The following CLVS1 variants were observed in gnomAD, a reference collection of about 807,000 sequenced individuals.
CLVS1 encodes the protein clavesin-1.
A neutral mutation model predicts 33.1 loss-of-function variants in CLVS1; 10 were observed. The observed-to-expected ratio is 0.30, with a 90% CI of 0.19 to 0.51. The LOEUF is 0.51. Ranked by LOEUF, CLVS1 falls within the 20% of genes least tolerant of loss-of-function variation. The probability of loss-of-function intolerance (pLI) is 0.97; values close to 1 mark genes in which losing one functional copy is unlikely to be tolerated. For synonymous variants in CLVS1, 163 were observed against 166.1 expected (o/e 0.98, Z 0.14); for missense variants, 343 against 433.4 (o/e 0.79, Z 1.85).
chr8:61,484,677 T>C (rs1167940935), intron 5 of CLVS1, among the ~76,000 whole-genome samples: 1 of 152,216 alleles, frequency 6.6e-6, no homozygotes, highest in Non-Finnish European at 1.5e-5. Flanking sequence ...GGCATCACGC[T>C]ACCTGACTTC....
Position 61,500,879 on chromosome 8 carries a change from G to C in CLVS1, c.*1337G>C, listed in dbSNP as rs946776945. 3.3e-5 allele frequency: 5 copies of C among 152,194 alleles called. No homozygotes were observed. The highest frequency in any genetic ancestry group is 6.9e-3 in the Middle Eastern group (2 of 290). The allele number at this position is 152,194 out of a possible 1,614,324, so 9.4% of individuals were successfully genotyped here. On this transcript the variant is annotated 3_prime_UTR_variant, in exon 6 of 6. Transcript: ENST00000325897. ...TGTTAGCTAAATAATTCAAGGGAAAGAGATTATTCAACTGGTCATAATCAC... is the reference window on the plus strand; with the variant it reads ...TGTTAGCTAAATAATTCAAGGGAAACAGATTATTCAACTGGTCATAATCAC...
intron 2 of CLVS1, among the ~76,000 whole-genome samples, chr8:61,338,396 C>A (rs999334160): frequency 2.0e-5 from 3 of 152,142 alleles, no homozygotes; most frequent in Admixed American, 6.5e-5. Flanking sequence ...TACCTGAAAA[C>A]CTCCTTAAAA....
rs57652285 is a variant in CLVS1, at chr8:61,486,098, AAAATAAATAAATAAAT to A, written c.978-13341_978-13326del. On this transcript the variant is annotated intron_variant, in intron 5 of 5. Coordinates refer to ENST00000325897, the MANE Select transcript of CLVS1 (RefSeq NM_173519.3). ...GTACCCTACAACTTAAAGTATAATTAAAATAAATAAATAAATAAATAAATAAATAAAATAAATGGGA... is the reference window on the plus strand; with the variant it reads ...GTACCCTACAACTTAAAGTATAATTAAAATAAATAAATAAAATAAATGGGA... Among the ~76,000 whole-genome samples the A allele has an allele frequency of 4.0e-5, 6 of 150,296 alleles. No individual in the cohort carries two copies. In the South Asian group the frequency reaches 1.0e-3, roughly 26 times the overall value.
chr8:61,256,535 CAAAACAAAAG>C (rs1392356504), intron 2 of CLVS1, among the ~76,000 whole-genome samples: 5 of 151,778 alleles, frequency 3.3e-5, no homozygotes, highest in African/African-American at 1.2e-4. Context: ...CAAAACAAAA[CAAAACAAAAG>C]AAAACAAAAT....
rs140778823 is a variant in CLVS1 at position 61,232,028 on chromosome 8, T to TGTTTGTTTG, written c.-151-67649_-151-67648insGTTTGTTTG. ...GAGCCCTGAGGAAAGTTGTGGTTTT[T>TGTTTGTTTG]TTTTTTTTTTTTTTTTTTTTTTGTG... On this transcript the variant is annotated intron_variant, in intron 2 of 2. Transcript: ENST00000522621. Among the ~76,000 whole-genome samples the TGTTTGTTTG allele has an allele frequency of 8.1e-4, 93 of 114,804 alleles. 2 individuals carry two copies. The highest frequency in any genetic ancestry group is 2.1e-3 in the African/African-American group (54 of 25,300). 75.3% of individuals were successfully genotyped at this position (114,804 alleles called of 152,430 possible).
chr8:61,016,486 A>G, the CLVS1 span, among the ~76,000 whole-genome samples: 16 of 152,370 alleles, frequency 1.1e-4, no homozygotes, highest in Admixed American at 8.5e-4. Flanking sequence ...GTAAATGACA[A>G]TGTCACTGAT....
chr8:61,387,935 A>T (rs1814151996), intron 3 of CLVS1, among the ~76,000 whole-genome samples: 1 of 152,222 alleles, frequency 6.6e-6, no homozygotes. Flanking sequence ...TGCTATAAAC[A>T]TGAATGTGTA....
intron 1 of CLVS1, among the ~76,000 whole-genome samples, chr8:61,102,396 G>C (rs1341812976): frequency 6.6e-6 from 1 of 151,854 alleles, no homozygotes; most frequent in Non-Finnish European, 1.5e-5. Context: ...ATTTAATTTT[G>C]GTTGGTTCAT....
At chr8:61,453,486 C>T (rs528295413) in intron 3 of CLVS1, among the ~76,000 whole-genome samples, 6 of 152,308 alleles carry the variant, frequency 3.9e-5, no homozygotes, top group East Asian at 1.9e-4. Context: ...CCTCAACTAG[C>T]GGAATCAGCT....
intron 1 of CLVS1, among the ~76,000 whole-genome samples, chr8:61,100,817 A>C (rs1041093408): frequency 6.6e-6 from 1 of 152,200 alleles, no homozygotes; most frequent in Non-Finnish European, 1.5e-5. Flanking sequence ...TGGACATTTA[A>C]TATGGATAGA....
At chr8:61,336,018 G>A (rs1811785258) in intron 2 of CLVS1, among the ~76,000 whole-genome samples, 1 of 152,230 alleles carries the variant, frequency 6.6e-6, no homozygotes, top group African/African-American at 2.4e-5. Flanking sequence ...CTGCCTGAGG[G>A]TAAAGGCACA....
intron 1 of CLVS1, among the ~76,000 whole-genome samples, chr8:61,066,590 C>A (rs992873527): frequency 6.6e-6 from 1 of 152,218 alleles, no homozygotes; most frequent in Non-Finnish European, 1.5e-5. Flanking sequence ...CTCTACCCCA[C>A]CTCCTCCCAA....
At chr8:61,090,837 T>G in intron 1 of CLVS1, 1 of 517,472 alleles carries the variant, frequency 1.9e-6, no homozygotes. Context: ...ATTTAGATGA[T>G]AAGATTTGGG....
At chr8:61,247,549 A>G (rs1032948833) in intron 2 of CLVS1, among the ~76,000 whole-genome samples, 3 of 152,170 alleles carry the variant, frequency 2.0e-5, no homozygotes, top group African/African-American at 7.2e-5. Flanking sequence ...TCTAATGATC[A>G]GTGCTATTGA....
At position 61,492,073 on chromosome 8, in the gene CLVS1, T is replaced by C. The variant is rs41384350; in HGVS notation, c.978-7382T>C. ...CACTGATGTTGTCACCAAAACTCTT[T>C]AACATGACTATAGATTTCTAAGTAA... On this transcript the variant is annotated intron_variant, in intron 5 of 5. Transcript: ENST00000325897. Among the ~76,000 whole-genome samples the C allele has an allele frequency of 7.4e-3, 1,121 of 152,290 alleles. 21 individuals are homozygous for C. The highest frequency in any genetic ancestry group is 0.026 in the African/African-American group (1,070 of 41,556).
the CLVS1 span, among the ~76,000 whole-genome samples, chr8:61,016,638 G>C: frequency 2.6e-5 from 4 of 152,218 alleles, no homozygotes; most frequent in Non-Finnish European, 2.9e-5. Context: ...GGACTCCCAG[G>C]GGGTGGGGGA....
chr8:61,018,609 G>T, the CLVS1 span, among the ~76,000 whole-genome samples: 1 of 152,168 alleles, frequency 6.6e-6, no homozygotes, highest in African/African-American at 2.4e-5. Flanking sequence ...AAACATTTCA[G>T]GTCACATTTC....
Position 61,232,022 on chromosome 8 carries a change from G to GTTTTTTT in CLVS1, c.-151-67655_-151-67654insTTTTTTT, listed in dbSNP as rs376185436. ...GAGAAGGAGCCCTGAGGAAAGTTGT[G>GTTTTTTT]GTTTTTTTTTTTTTTTTTTTTTTTT... On this transcript the variant is annotated intron_variant, in intron 2 of 2. Transcript: ENST00000522621. 2.1e-3 allele frequency among the ~76,000 whole-genome samples: 241 copies of GTTTTTTT among 117,036 alleles called. 42 individuals are homozygous for GTTTTTTT. Among genetic ancestry groups the GTTTTTTT allele is most frequent in the Middle Eastern group, 0.016 (4 of 256 alleles). 76.8% of individuals were successfully genotyped at this position (117,036 alleles called of 152,430 possible). A position where few individuals can be genotyped will look rare whatever the true frequency, so the allele number is the denominator to read the frequency against.
intron 2 of CLVS1, among the ~76,000 whole-genome samples, chr8:61,306,858 T>C (rs910520260): frequency 5.3e-5 from 8 of 152,188 alleles, no homozygotes; most frequent in Non-Finnish European, 7.3e-5. Context: ...CATTACCAGG[T>C]TTCCTCCAAC....
Sources: allele counts gnomAD v4.1 joint callset (sites outside exome capture counted in the v4.1 genomes callset), GRCh38; gene constraint gnomAD v4.1.1; transcripts MANE v1.5; gene names NCBI Gene and HGNC (gene_info 2026-07-23, HGNC 2026-07-21).